Variants in NPIPB11 observed in about 807,000 individuals in gnomAD.
NPIPB11 encodes the protein nuclear pore complex-interacting protein family member B11.
NPIPB11 carries 17 observed loss-of-function variants against 32.8 expected under a neutral mutation model. That is an observed-to-expected ratio of 0.52 (90% CI 0.35 to 0.78). NPIPB11 has a LOEUF of 0.78. Among genes scored for constraint, NPIPB11 ranks in the 30% least tolerant of loss-of-function variants. NPIPB11 has a pLI of 0.01. For missense variants in NPIPB11, 537 were observed against 1,000.4 expected (o/e 0.54, Z 6.25); for synonymous variants, 209 against 398.4 (o/e 0.52, Z 5.66).
chr16:29,405,753 G>C (rs1964100402), upstream of NPIPB11, among the ~76,000 whole-genome samples: 1 of 152,128 alleles, frequency 6.6e-6, no homozygotes. Context: ...TCAAGTCCAA[G>C]AATGCCTCCT....
intron 2 of NPIPB11, among the ~76,000 whole-genome samples, chr16:29,394,657 A>G (rs1463449329): frequency 1.3e-5 from 2 of 151,612 alleles, no homozygotes; most frequent in Non-Finnish European, 2.9e-5. Context: ...CTGGCCTTGA[A>G]CTCCTGACAG....
intron 5 of NPIPB11, among the ~76,000 whole-genome samples, chr16:29,389,541 G>C (rs1341800791): frequency 1.3e-5 from 2 of 150,310 alleles, no homozygotes; most frequent in Non-Finnish European, 3.0e-5. Flanking sequence ...GGGCGTGATG[G>C]TGGGCACCTG....
exon 4 of NPIPB11, chr16:29,390,300 A>G: frequency 6.3e-7 from 1 of 1,583,468 alleles, no homozygotes; most frequent in South Asian, 1.1e-5. Context: ...ACATCCGTGG[A>G]TCCATCATGT....
intron 3 of NPIPB11, among the ~76,000 whole-genome samples, chr16:29,392,576 G>C (rs1346366515): frequency 6.6e-6 from 1 of 151,186 alleles, no homozygotes; most frequent in Admixed American, 6.6e-5. Context: ...TGGGCATGGT[G>C]GTGGGCACCT....
At chr16:29,401,181 TTG>T (rs1268620693) in intron 2 of NPIPB11, among the ~76,000 whole-genome samples, 5 of 152,096 alleles carry the variant, frequency 3.3e-5, no homozygotes, top group African/African-American at 1.2e-4. Flanking sequence ...CTGAGCACTC[TTG>T]AACCTGTGCA....
chr16:29,401,706 A>G (rs369699587), intron 2 of NPIPB11, among the ~76,000 whole-genome samples: 4 of 152,232 alleles, frequency 2.6e-5, no homozygotes, highest in East Asian at 1.9e-4. Context: ...GTGGAAGTGA[A>G]GTGTGTCACC....
At chr16:29,390,420 G>A in intron 3 of NPIPB11, 72 bp from the exon 4 acceptor site, 1 of 1,595,044 alleles carries the variant, frequency 6.3e-7, no homozygotes, top group Non-Finnish European at 8.5e-7. Context: ...ACTTCGGGAA[G>A]CTGAGGCAGG....
At position 29,400,971 on chromosome 16, in the gene NPIPB11, G is replaced by A. The variant is rs531003109; in HGVS notation, c.120+2712C>T. ...TCATGCTCCGGCAGGGTACAGGCTC[G>A]CACCTGGGGCCTCATGGAGCATCTC... On this transcript the variant is annotated intron_variant, in intron 2 of 7. Coordinates refer to ENST00000524087, the Ensembl canonical transcript of NPIPB11. Among the ~76,000 whole-genome samples, 1,426 of 152,146 alleles carry A rather than the reference G, an allele frequency of 9.4e-3. 7 individuals are homozygous for A. The highest frequency in any genetic ancestry group is 0.027 in the African/African-American group (1,115 of 41,482).
intron 2 of NPIPB11, among the ~76,000 whole-genome samples, chr16:29,397,245 G>C (rs911459537): frequency 1.1e-4 from 16 of 150,136 alleles, no homozygotes; most frequent in African/African-American, 3.2e-4. Context: ...CACTTTGTTT[G>C]TTAGAGACAA....
chr16:29,400,896 C>CT (rs1228584066), intron 2 of NPIPB11, among the ~76,000 whole-genome samples: 4 of 152,058 alleles, frequency 2.6e-5, no homozygotes, highest in African/African-American at 7.3e-5. Flanking sequence ...TGGCTGACCA[C>CT]TACCCCCACT....
At chr16:29,399,157 A>G (rs1352027851) in intron 2 of NPIPB11, among the ~76,000 whole-genome samples, 1 of 151,242 alleles carries the variant, frequency 6.6e-6, no homozygotes, top group East Asian at 2.0e-4. Context: ...ACCAGGACAG[A>G]CCCCCACTGT....
upstream of NPIPB11, among the ~76,000 whole-genome samples, chr16:29,406,465 C>T (rs1241561994): frequency 6.6e-6 from 1 of 152,212 alleles, no homozygotes; most frequent in Non-Finnish European, 1.5e-5. Context: ...TGCCTGTAAT[C>T]CCAGCACTTT....
chr16:29,383,120 G>C (rs538349010), exon 8 of NPIPB11: 2 of 1,593,392 alleles, frequency 1.3e-6, no homozygotes, highest in Non-Finnish European at 8.5e-7. Flanking sequence ...GTGAGCTGAC[G>C]CTCGGAAGGT....
intron 5 of NPIPB11, among the ~76,000 whole-genome samples, chr16:29,389,668 GAAAAAAAAAAAAAAA>G (rs1160526743): frequency 5.8e-5 from 1 of 17,290 alleles, no homozygotes; most frequent in Non-Finnish European, 9.5e-5. Flanking sequence ...TCCATCTCAG[GAAAAAAAAAAAAAAA>G]AAAAAAAAAA....
chr16:29,395,987 A>G (rs1963844352), intron 2 of NPIPB11, among the ~76,000 whole-genome samples: 2 of 151,288 alleles, frequency 1.3e-5, no homozygotes, highest in South Asian at 2.1e-4. Flanking sequence ...CAAAAAAAAA[A>G]AAAAAATTAC....
intron 3 of NPIPB11, 49 bp from the exon 4 acceptor site, chr16:29,390,397 G>A (rs759577125): frequency 7.2e-5 from 115 of 1,589,194 alleles, no homozygotes; most frequent in East Asian, 2.2e-4. Flanking sequence ...TGGCTCATGC[G>A]TATAATCCCA....
chr16:29,391,078 G>A (rs1716219665), intron 3 of NPIPB11, among the ~76,000 whole-genome samples: 1 of 150,406 alleles, frequency 6.6e-6, no homozygotes, highest in Admixed American at 6.6e-5. Flanking sequence ...ACCATCCTGG[G>A]CAACATGGTG....
intron 2 of NPIPB11, among the ~76,000 whole-genome samples, chr16:29,403,075 G>A (rs1215285341): frequency 2.0e-5 from 3 of 148,360 alleles, no homozygotes; most frequent in African/African-American, 5.0e-5. Context: ...AATTTTGCAG[G>A]ATAATTTTTT....
chr16:29,389,093 G>A (rs893354516), intron 5 of NPIPB11, among the ~76,000 whole-genome samples: 1 of 151,474 alleles, frequency 6.6e-6, no homozygotes, highest in African/African-American at 2.4e-5. Context: ...TACTCAAGAG[G>A]CTGAGAGATA....
Sources: allele counts gnomAD v4.1 joint callset (sites outside exome capture counted in the v4.1 genomes callset), GRCh38; gene constraint gnomAD v4.1.1; transcripts MANE v1.5; gene names NCBI Gene and HGNC (gene_info 2026-07-23, HGNC 2026-07-21).